TTC29: variants seen among roughly 807,000 people sequenced by gnomAD.
TTC29 encodes tetratricopeptide repeat protein 29.
Under a neutral mutation model 58.1 loss-of-function variants are expected in TTC29, and 49 were observed. That is an observed-to-expected ratio of 0.84 (90% CI 0.67 to 1.07). The LOEUF (loss-of-function observed/expected upper bound fraction) is 1.07. Among genes scored for constraint, TTC29 ranks in the 50% least tolerant of loss-of-function variants. The pLI is 0.00. For missense variants in TTC29, 582 were observed against 555.6 expected (o/e 1.05, Z -0.48); for synonymous variants, 209 against 196.8 (o/e 1.06, Z -0.52).
rs953580270 is a variant in TTC29, at chr4:146,856,702, ATAT to A, written c.885+10793_885+10795del. ...CATTATTATTTATTAATTAATTAAAATATTATTAATATGTAAAAAAACTAGAGA... is the reference window on the plus strand; with the variant it reads ...CATTATTATTTATTAATTAATTAAAATATTAATATGTAAAAAAACTAGAGA... On this transcript the variant is annotated intron_variant, in intron 8 of 12. Transcript: ENST00000325106. Among the ~76,000 whole-genome samples the A allele has an allele frequency of 2.2e-3, 327 of 150,718 alleles. 1 individual carries two copies. The highest frequency in any genetic ancestry group is 7.7e-3 in the African/African-American group (319 of 41,414).
intron 11 of TTC29, among the ~76,000 whole-genome samples, chr4:146,709,512 C>A (rs1742329405): frequency 6.6e-6 from 1 of 152,042 alleles, no homozygotes; most frequent in African/African-American, 2.4e-5. Flanking sequence ...TGTTTGCTTA[C>A]TTGGCAAAAG....
chr4:146,938,438 C>A (rs1474349867), intron 3 of TTC29, among the ~76,000 whole-genome samples: 1 of 151,934 alleles, frequency 6.6e-6, no homozygotes, highest in African/African-American at 2.4e-5. Context: ...CTCATCCTAA[C>A]CTAAGGATAT....
At chr4:146,820,710 C>T (rs1420083372) in intron 9 of TTC29, among the ~76,000 whole-genome samples, 1 of 152,038 alleles carries the variant, frequency 6.6e-6, no homozygotes, top group Non-Finnish European at 1.5e-5. Context: ...TGTTGTATAC[C>T]TACAATGAAA....
chr4:146,708,344 AT>A (rs1742195832), intron 11 of TTC29, among the ~76,000 whole-genome samples: 3 of 24,102 alleles, frequency 1.2e-4, no homozygotes, highest in South Asian at 2.2e-3. Flanking sequence ...ATATATATAT[AT>A]ATATATATAT....
At chr4:146,898,628 G>A (rs1334735792) in intron 6 of TTC29, among the ~76,000 whole-genome samples, 1 of 152,180 alleles carries the variant, frequency 6.6e-6, no homozygotes, top group Non-Finnish European at 1.5e-5. Flanking sequence ...CCCCTGCCTT[G>A]TCTGCAGTGA....
At chr4:146,848,139 T>C (rs1231129557) in intron 8 of TTC29, among the ~76,000 whole-genome samples, 1 of 152,202 alleles carries the variant, frequency 6.6e-6, no homozygotes, top group Non-Finnish European at 1.5e-5. Context: ...TAGAATCAAA[T>C]GTACTGGAAA....
At chr4:146,780,305 GTGTGTGTGTGTGT>G (rs1561118097) in intron 11 of TTC29, among the ~76,000 whole-genome samples, 4 of 43,322 alleles carry the variant, frequency 9.2e-5, no homozygotes, top group Non-Finnish European at 8.8e-5. Flanking sequence ...AACTTGGGGT[GTGTGTGTGTGTGT>G]GTGTGTGTGT....
intron 11 of TTC29, among the ~76,000 whole-genome samples, chr4:146,718,588 GT>G (rs1743113664): frequency 6.6e-6 from 1 of 152,046 alleles, no homozygotes. Flanking sequence ...AGTTGTTTGA[GT>G]TTTTTATATG....
Position 146,746,981 on chromosome 4 carries a change from T to G in TTC29, c.1331-39430A>C, listed in dbSNP as rs749824930. On this transcript the variant is annotated intron_variant, in intron 11 of 12. Transcript: ENST00000325106. ...ACACAGAAACCTAAGGTGGCCACAC[T>G]GAGAAGGGAAGGAAACATGTCACCT... 4.3e-4 allele frequency among the ~76,000 whole-genome samples: 65 copies of G among 152,000 alleles called. 1 individual carries two copies. Among genetic ancestry groups the G allele is most frequent in the Non-Finnish European group, 1.2e-4 (8 of 68,002 alleles).
At chr4:146,889,589 C>T (rs1464142506) in intron 6 of TTC29, among the ~76,000 whole-genome samples, 2 of 152,036 alleles carry the variant, frequency 1.3e-5, no homozygotes, top group Non-Finnish European at 2.9e-5. Context: ...AAATAAAATA[C>T]CACACTAAAA....
chr4:146,833,508 C>T (rs1211401343), intron 9 of TTC29, among the ~76,000 whole-genome samples: 1 of 151,898 alleles, frequency 6.6e-6, no homozygotes, highest in Non-Finnish European at 1.5e-5. Flanking sequence ...GTGCTGTCTG[C>T]TTTCTTAACT....
chr4:146,726,782 T>C (rs952255808), intron 11 of TTC29, among the ~76,000 whole-genome samples: 2 of 152,130 alleles, frequency 1.3e-5, no homozygotes, highest in South Asian at 4.1e-4. Flanking sequence ...TTCCTTTGCA[T>C]TGACATTATT....
chr4:146,724,592 C>A (rs1215909170), intron 11 of TTC29, among the ~76,000 whole-genome samples: 3 of 151,878 alleles, frequency 2.0e-5, no homozygotes, highest in African/African-American at 7.3e-5. Context: ...TGGCTCACTG[C>A]AACCTCTGCC....
At chr4:146,860,491 T>C (rs568049282) in intron 8 of TTC29, among the ~76,000 whole-genome samples, 145 of 152,272 alleles carry the variant, frequency 9.5e-4, no homozygotes, top group African/African-American at 3.2e-3. Flanking sequence ...CCCCAGTGGA[T>C]GCCTGAAACT....
At chr4:146,812,759 T>G (rs901898170) in intron 10 of TTC29, 1 of 152,200 alleles carries the variant, frequency 6.6e-6, no homozygotes, top group Non-Finnish European at 1.5e-5. Flanking sequence ...ATACGTACCA[T>G]TTTAGAATGA....
intron 3 of TTC29, 59 bp from the exon 4 acceptor site, chr4:146,937,736 A>G (rs1254207963): frequency 1.0e-6 from 1 of 995,052 alleles, no homozygotes; most frequent in East Asian, 2.8e-5. Context: ...AAGCTACCAA[A>G]CACATAAAAT....
intron 9 of TTC29, among the ~76,000 whole-genome samples, chr4:146,832,225 C>T (rs1437128478): frequency 6.6e-6 from 1 of 152,198 alleles, no homozygotes; most frequent in Non-Finnish European, 1.5e-5. Context: ...CAAGTAATTT[C>T]ATAATCAAAA....
intron 4 of TTC29, among the ~76,000 whole-genome samples, chr4:146,930,104 TATATATATATATATACACAC>T (rs1735224763): frequency 7.7e-6 from 1 of 129,780 alleles, no homozygotes; most frequent in Non-Finnish European, 1.6e-5. Flanking sequence ...TATATATATA[TATATATATATATATACACAC>T]ATATATATCT....
intron 4 of TTC29, among the ~76,000 whole-genome samples, chr4:146,915,736 T>C (rs1215195492): frequency 6.6e-6 from 1 of 152,028 alleles, no homozygotes; most frequent in Non-Finnish European, 1.5e-5. Flanking sequence ...AAAGGCATTA[T>C]TGTATATTCA....
Sources: allele counts gnomAD v4.1 joint callset (sites outside exome capture counted in the v4.1 genomes callset), GRCh38; gene constraint gnomAD v4.1.1; transcripts MANE v1.5; gene names NCBI Gene and HGNC (gene_info 2026-07-23, HGNC 2026-07-21).